Variants in SCCPDH observed in about 807,000 individuals in gnomAD.
The protein encoded by SCCPDH is saccharopine dehydrogenase (putative).
SCCPDH carries 34 observed loss-of-function variants against 51.5 expected under a neutral mutation model. The ratio of observed to expected loss-of-function variants is 0.66; its 90% CI spans 0.50 to 0.88. SCCPDH has a LOEUF of 0.88. Among genes scored for constraint, SCCPDH ranks in the 40% least tolerant of loss-of-function variants. The probability of loss-of-function intolerance (pLI) is 0.00; values close to 1 mark genes in which losing one functional copy is unlikely to be tolerated. For synonymous variants in SCCPDH, 187 were observed against 191.3 expected (o/e 0.98, Z 0.19); for missense variants, 464 against 527.1 (o/e 0.88, Z 1.17).
intron 5 of SCCPDH, among the ~76,000 whole-genome samples, chr1:246,746,865 G>A (rs1264343818): frequency 2.6e-5 from 4 of 152,164 alleles, no homozygotes; most frequent in African/African-American, 9.7e-5. Flanking sequence ...GTGATAGTGG[G>A]CCTGAGTAAT....
intron 5 of SCCPDH, among the ~76,000 whole-genome samples, chr1:246,751,258 G>A (rs1668847414): frequency 3.9e-5 from 6 of 152,080 alleles, no homozygotes; most frequent in Admixed American, 3.9e-4. Context: ...CAATTTTAAT[G>A]TCTGACCATA....
At chr1:246,740,140 A>G in intron 3 of SCCPDH, 32 bp from the exon 4 acceptor site, 1 of 1,524,922 alleles carries the variant, frequency 6.6e-7, no homozygotes. Context: ...TTTCTGCATA[A>G]CTAATTAAAA....
chr1:246,757,838 G>T (rs1558173797), intron 5 of SCCPDH, among the ~76,000 whole-genome samples: 1 of 152,104 alleles, frequency 6.6e-6, no homozygotes, highest in African/African-American at 2.4e-5. Context: ...TGAGGAATTT[G>T]TGTAGGATCG....
chr1:246,758,477 T>A, intron 6 of SCCPDH, 121 bp downstream of exon 6: 1 of 630,274 alleles, frequency 1.6e-6, no homozygotes, highest in South Asian at 3.0e-5. Context: ...AAGTTCAGAA[T>A]TGTTTTCACA....
chr1:246,754,743 A>T (rs569465886), intron 5 of SCCPDH, among the ~76,000 whole-genome samples: 7 of 152,202 alleles, frequency 4.6e-5, no homozygotes, highest in Non-Finnish European at 8.8e-5. Flanking sequence ...CACTTTTCAT[A>T]GTATTCCTTT....
At chr1:246,734,578 T>C (rs2102981585) in intron 2 of SCCPDH, among the ~76,000 whole-genome samples, 1 of 152,316 alleles carries the variant, frequency 6.6e-6, no homozygotes, top group South Asian at 2.1e-4. Flanking sequence ...CCCAGTCCTG[T>C]AATTCCAGTG....
Position 246,726,899 on chromosome 1 carries a change from A to G in SCCPDH, c.198A>G (p.Pro66=), listed in dbSNP as rs375643996. The part of the protein sequence containing the change: ...LEKAALKLGR[P]TLSSEVGIII... ...ATTTGTTTCTTATTTTAGGAAGACC[A>G]ACACTGTCATCTGAAGTTGGAATCA... The change falls in exon 2 of 12, where the codon CCA becomes CCG. Residue 66 remains proline (P), a synonymous_variant. Coordinates refer to ENST00000366510, the MANE Select transcript of SCCPDH (RefSeq NM_016002.3). 4.7e-5 allele frequency: 76 copies of G among 1,611,662 alleles called. 2 individuals are homozygous for G. The highest frequency in any genetic ancestry group is 4.7e-4 in the East Asian group (21 of 44,896).
At chr1:246,725,265 A>G (rs7364955) in intron 1 of SCCPDH, among the ~76,000 whole-genome samples, 1 of 110,538 alleles carries the variant, frequency 9.0e-6, no homozygotes, top group African/African-American at 4.8e-5. Flanking sequence ...CAGGTAGCAT[A>G]TATTTATTGA....
At chr1:246,751,946 T>A (rs1263712142) in intron 5 of SCCPDH, among the ~76,000 whole-genome samples, 2 of 149,390 alleles carry the variant, frequency 1.3e-5, no homozygotes, top group African/African-American at 5.1e-5. Flanking sequence ...CTAATTTTTT[T>A]TTTTTTGTAT....
At position 246,753,964 on chromosome 1, in the gene SCCPDH, TA is replaced by T. The variant is rs1668892906; in HGVS notation, c.565-4261del. Among the ~76,000 whole-genome samples, 3 of 151,990 alleles carry T rather than the reference TA, an allele frequency of 2.0e-5. 1 individual carries two copies. In the South Asian group the frequency reaches 6.3e-4, roughly 32 times the overall value. ...CCTTCTAGTATTTTAACATGAGACC[TA>T]GGGGGCACTCAAGGGGAATATCCTT... On this transcript the variant is annotated intron_variant, in intron 5 of 11. Coordinates refer to ENST00000366510, the MANE Select transcript of SCCPDH (RefSeq NM_016002.3).
intron 3 of SCCPDH, among the ~76,000 whole-genome samples, chr1:246,737,048 G>A (rs1668602989): frequency 6.6e-6 from 1 of 152,084 alleles, no homozygotes; most frequent in Non-Finnish European, 1.5e-5. Context: ...GTGTTAACAG[G>A]CATTAAGCTC....
chr1:246,745,378 C>T (rs535930101), intron 5 of SCCPDH, among the ~76,000 whole-genome samples: 5 of 152,202 alleles, frequency 3.3e-5, no homozygotes, highest in East Asian at 1.9e-4. Flanking sequence ...AGTAACTGTG[C>T]AAGAGAAAAT....
At chr1:246,732,718 G>T (rs1191566647) in intron 2 of SCCPDH, among the ~76,000 whole-genome samples, 3 of 152,114 alleles carry the variant, frequency 2.0e-5, no homozygotes, top group Non-Finnish European at 4.4e-5. Flanking sequence ...AGAATTATGT[G>T]GGGAGTAATG....
At chr1:246,745,986 T>C (rs1466123818) in intron 5 of SCCPDH, among the ~76,000 whole-genome samples, 2 of 151,748 alleles carry the variant, frequency 1.3e-5, no homozygotes, top group Non-Finnish European at 2.9e-5. Flanking sequence ...CAGGCACCTG[T>C]AGTCCCAGCT....
chr1:246,724,584 G>T lies in SCCPDH; in HGVS notation c.162G>T (p.Arg54=). The change falls in exon 1 of 12, where the codon CGG becomes CGT. Residue 54 remains arginine, a synonymous_variant. Transcript: ENST00000366510. ...GCCGCTCCCGGGAGAAGCTGCAGCG[G>T]GTGCTGGAGAAGGCGGCCCTGAAGC... The part of the protein sequence containing the change: ...VAGRSREKLQ[R]VLEKAALKLG... 1 of 1,518,400 alleles carries T rather than the reference G, an allele frequency of 6.6e-7. No individual in the cohort carries two copies. The highest frequency in any genetic ancestry group is 8.8e-7 in the Non-Finnish European group (1 of 1,136,128). 94.1% of individuals were successfully genotyped at this position (1,518,400 alleles called of 1,614,324 possible). A position where few individuals can be genotyped will look rare whatever the true frequency, so the allele number is the denominator to read the frequency against.
intron 3 of SCCPDH, among the ~76,000 whole-genome samples, chr1:246,737,682 C>T (rs888304887): frequency 1.3e-5 from 2 of 151,944 alleles, no homozygotes; most frequent in African/African-American, 4.8e-5. Flanking sequence ...ACCTCTGCCA[C>T]CTGGGTTCAA....
chr1:246,731,313 A>C (rs772569954), intron 2 of SCCPDH, among the ~76,000 whole-genome samples: 87 of 152,238 alleles, frequency 5.7e-4, no homozygotes, highest in Non-Finnish European at 1.1e-3. Flanking sequence ...AAATGCAGTA[A>C]AAGTAAGGAA....
At chr1:246,751,090 A>T (rs1293917713) in intron 5 of SCCPDH, among the ~76,000 whole-genome samples, 1 of 152,234 alleles carries the variant, frequency 6.6e-6, no homozygotes, top group African/African-American at 2.4e-5. Context: ...TTCCTTCAGA[A>T]TTCTCTTTAG....
chr1:246,764,131 A>G, intron 9 of SCCPDH, 115 bp from the exon 10 acceptor site: 1 of 613,960 alleles, frequency 1.6e-6, no homozygotes. Flanking sequence ...TGGCAGATAA[A>G]ATAATGTTTT....
Sources: allele counts gnomAD v4.1 joint callset (sites outside exome capture counted in the v4.1 genomes callset), GRCh38; gene constraint gnomAD v4.1.1; transcripts MANE v1.5; gene names NCBI Gene and HGNC (gene_info 2026-07-23, HGNC 2026-07-21).